The following ERCC6L2 variants were observed in gnomAD, a reference collection of about 807,000 sequenced individuals.
The protein encoded by ERCC6L2 is DNA excision repair protein ERCC-6-like 2.
ERCC6L2 carries 77 observed loss-of-function variants against 132.0 expected under a neutral mutation model. That is an observed-to-expected ratio of 0.58 (90% CI 0.49 to 0.71). The LOEUF (loss-of-function observed/expected upper bound fraction) is 0.71, where lower values mean the gene tolerates loss of function less well. Ranked by LOEUF, ERCC6L2 falls within the 30% of genes least tolerant of loss-of-function variation. ERCC6L2 has a pLI of 0.00. For synonymous variants in ERCC6L2, 583 were observed against 632.4 expected (o/e 0.92, Z 1.17); for missense variants, 1,542 against 1,837.6 (o/e 0.84, Z 2.94).
intron 12 of ERCC6L2, among the ~76,000 whole-genome samples, chr9:95,945,983 A>G (rs1015455123): frequency 1.3e-5 from 2 of 152,140 alleles, no homozygotes; most frequent in Non-Finnish European, 2.9e-5. Context: ...TAAATAAAAA[A>G]GACACAGGAA....
At chr9:95,893,962 G>A (rs954864529) in intron 2 of ERCC6L2, among the ~76,000 whole-genome samples, 1 of 152,082 alleles carries the variant, frequency 6.6e-6, no homozygotes, top group East Asian at 1.9e-4. Context: ...TCCTAATACA[G>A]ATGCTCCTTG....
At chr9:96,040,469 G>A (rs1033735636) in intron 20 of ERCC6L2, among the ~76,000 whole-genome samples, 1 of 152,232 alleles carries the variant, frequency 6.6e-6, no homozygotes, top group Admixed American at 6.5e-5. Context: ...AGGCAAGTCT[G>A]AATCTAAACT....
chr9:96,027,873 C>T (rs1405278511), intron 19 of ERCC6L2: 1 of 152,436 alleles, frequency 6.6e-6, no homozygotes, highest in Non-Finnish European at 1.5e-5. Context: ...CCGGGACTTA[C>T]ATTCCCAGTC....
rs148406466 is a variant in ERCC6L2, at chr9:95,966,657, C to T, written c.2043C>T (p.Ile681=). Residue 681 remains isoleucine (I), a synonymous_variant, in exon 14 of 19, where the codon ATC becomes ATT. Coordinates refer to ENST00000653738, the MANE Select transcript of ERCC6L2 (RefSeq NM_020207.7). ...SKEHQGELFG[I]HNLFKFRSQG... ...AGCATCAAGGAGAGCTTTTTGGGATCCATAACCTCTTCAAATTTAGGTCCC... is the reference window on the plus strand; with the variant it reads ...AGCATCAAGGAGAGCTTTTTGGGATTCATAACCTCTTCAAATTTAGGTCCC... 1 of 1,528,934 alleles carries T rather than the reference C, an allele frequency of 6.5e-7. No individual in the cohort carries two copies. Among genetic ancestry groups the T allele is most frequent in the South Asian group, 1.3e-5 (1 of 77,996 alleles). 94.7% of individuals were successfully genotyped at this position (1,528,934 alleles called of 1,614,324 possible).
chr9:96,022,151 C>T (rs1236023060), downstream of ERCC6L2, among the ~76,000 whole-genome samples: 2 of 152,260 alleles, frequency 1.3e-5, no homozygotes, highest in South Asian at 2.1e-4. Flanking sequence ...CTGCCAAGGG[C>T]CCTGTCCCGC....
chr9:95,993,435 G>A (rs1197368302), intron 17 of ERCC6L2, among the ~76,000 whole-genome samples: 5 of 152,102 alleles, frequency 3.3e-5, no homozygotes, highest in South Asian at 2.1e-4. Context: ...CTATGGTCTC[G>A]CTTGGCCCTT....
At chr9:95,899,252 C>T (rs1828629969) in intron 3 of ERCC6L2, among the ~76,000 whole-genome samples, 1 of 152,086 alleles carries the variant, frequency 6.6e-6, no homozygotes, top group African/African-American at 2.4e-5. Context: ...GAGTTAAAGA[C>T]CAGCTTGGGC....
intron 2 of ERCC6L2, among the ~76,000 whole-genome samples, chr9:95,892,127 T>C (rs1269596120): frequency 6.6e-6 from 1 of 152,186 alleles, no homozygotes; most frequent in African/African-American, 2.4e-5. Context: ...AGGACTATTA[T>C]TTCTATATGT....
intron 2 of ERCC6L2, among the ~76,000 whole-genome samples, chr9:95,890,638 A>G (rs73534620): frequency 0.021 from 3,199 of 152,272 alleles, 123 homozygotes; most frequent in African/African-American, 0.074. Context: ...AAAGCCTTCT[A>G]CCTTAAGGAA....
intron 13 of ERCC6L2, among the ~76,000 whole-genome samples, chr9:95,965,037 G>T (rs1278920406): frequency 6.6e-6 from 1 of 152,136 alleles, no homozygotes; most frequent in Admixed American, 6.6e-5. Context: ...GCTATCACTT[G>T]TATCAATTGT....
rs117931787 is a variant in ERCC6L2, at chr9:95,879,446, T to C, written c.47-1423T>C. Among the ~76,000 whole-genome samples, 323 of 152,332 alleles carry C rather than the reference T, an allele frequency of 2.1e-3. 10 individuals carry two copies. The East Asian group carries it at 0.047, about 22-fold the overall frequency. On this transcript the variant is annotated intron_variant, in intron 1 of 18. Coordinates refer to ENST00000653738, the MANE Select transcript of ERCC6L2 (RefSeq NM_020207.7). ...GCAAACACATAATGGGAAATATAAG[T>C]AATGTGTTAAGAATTGCTGTAAGGG... is the stretch of plus-strand genomic sequence containing the variant.
At chr9:95,944,574 C>A (rs1830960609) in intron 12 of ERCC6L2, among the ~76,000 whole-genome samples, 1 of 152,132 alleles carries the variant, frequency 6.6e-6, no homozygotes. Context: ...GATTATGATA[C>A]AATTGGTTCT....
intron 14 of ERCC6L2, chr9:95,968,460 G>T (rs1832265402): frequency 6.6e-6 from 1 of 152,076 alleles, no homozygotes; most frequent in African/African-American, 2.4e-5. Context: ...ATTCAGGATT[G>T]GTTAGATTCA....
At chr9:95,912,863 A>G (rs1829406274) in intron 4 of ERCC6L2, among the ~76,000 whole-genome samples, 1 of 152,144 alleles carries the variant, frequency 6.6e-6, no homozygotes, top group African/African-American at 2.4e-5. Context: ...TGTCATCTGT[A>G]TTTTAGTAAA....
downstream of ERCC6L2, chr9:96,021,323 G>A (rs1468689448): frequency 6.1e-6 from 2 of 329,946 alleles, no homozygotes; most frequent in Admixed American, 8.7e-5. This position sits in a 1 kb window ranked among gnomAD's most constrained non-coding sequence, Gnocchi z 4.7. Context: ...TGATGGCTTG[G>A]CCGGCTGGAA....
chr9:96,023,310 T>C (rs1049992908), downstream of ERCC6L2, among the ~76,000 whole-genome samples: 2 of 152,256 alleles, frequency 1.3e-5, no homozygotes, highest in African/African-American at 4.8e-5. Flanking sequence ...TTATGTAATA[T>C]GCTTTTTTCT....
chr9:96,025,207 G>T (rs186711877), intron 19 of ERCC6L2, among the ~76,000 whole-genome samples: 23 of 152,302 alleles, frequency 1.5e-4, no homozygotes, highest in Admixed American at 1.3e-3. Flanking sequence ...TGGTGTCGAA[G>T]CTCAAGGGAC....
At chr9:95,914,486 C>A (rs940986502) in intron 4 of ERCC6L2, among the ~76,000 whole-genome samples, 1 of 151,742 alleles carries the variant, frequency 6.6e-6, no homozygotes, top group Non-Finnish European at 1.5e-5. Context: ...CCTGAGTAGC[C>A]GGGACTACAG....
intron 11 of ERCC6L2, among the ~76,000 whole-genome samples, chr9:95,941,045 T>G (rs1394940194): frequency 6.6e-6 from 1 of 152,178 alleles, no homozygotes; most frequent in Non-Finnish European, 1.5e-5. Flanking sequence ...ATATCCAGAG[T>G]TTTAGCTGCA....
Sources: gnomAD v4.1 joint callset for allele counts (sites outside exome capture counted in the v4.1 genomes callset) on GRCh38, gnomAD v4.1.1 for gene constraint, Gnocchi (gnomAD v3.1) non-coding constraint, MANE v1.5 for transcripts, NCBI Gene and HGNC (gene_info 2026-07-23, HGNC 2026-07-21) for gene names.